The following TDRD1 variants were observed in gnomAD, a reference collection of about 807,000 sequenced individuals.
The protein encoded by TDRD1 is tudor domain containing 1.
A neutral mutation model predicts 140.6 loss-of-function variants in TDRD1; 37 were observed. The ratio of observed to expected loss-of-function variants is 0.26; its 90% CI spans 0.20 to 0.35. The LOEUF is 0.35. Ranked by LOEUF, TDRD1 falls within the 10% of genes least tolerant of loss-of-function variation. TDRD1 has a pLI of 1.00. For synonymous variants in TDRD1, 506 were observed against 475.7 expected, an observed-to-expected ratio of 1.06 and a Z score of -0.83; for missense variants, 1,243 against 1,393.0, an observed-to-expected ratio of 0.89 and a Z score of 1.71.
At chr10:114,212,366 G>A (rs1004826475) in intron 14 of TDRD1, among the ~76,000 whole-genome samples, 11 of 152,134 alleles carry the variant, frequency 7.2e-5, no homozygotes, top group Admixed American at 6.5e-5. Flanking sequence ...CCCACAGGTG[G>A]AACAGGTCAG....
upstream of TDRD1, among the ~76,000 whole-genome samples, chr10:114,178,698 C>T (rs770539771): frequency 9.2e-5 from 14 of 152,058 alleles, no homozygotes; most frequent in Non-Finnish European, 1.8e-4. Context: ...CAGAAGCAGA[C>T]GTTCGCTACT....
At chr10:114,228,015 T>TA (rs776690983) in intron 24 of TDRD1, 23 bp from the exon 25 acceptor site, 98 of 1,610,456 alleles carry the variant, frequency 6.1e-5, no homozygotes, top group Non-Finnish European at 3.8e-5. Flanking sequence ...AATTAAATCA[T>TA]ATGGTTTCTT....
chr10:114,200,304 T>C (rs2034643146), intron 4 of TDRD1, among the ~76,000 whole-genome samples: 1 of 152,236 alleles, frequency 6.6e-6, no homozygotes, highest in Admixed American at 6.5e-5. Context: ...GATATGTAAC[T>C]TTTTAAAAGT....
At chr10:114,213,543 C>G in exon 15 of TDRD1, 4 of 1,613,784 alleles carry the variant, frequency 2.5e-6, no homozygotes, top group Non-Finnish European at 3.4e-6. Context: ...TGTGGGAGAA[C>G]AGAGTATGGT....
exon 12 of TDRD1, chr10:114,210,748 C>G (rs200566711): frequency 4.0e-5 from 65 of 1,608,536 alleles, no homozygotes; most frequent in Non-Finnish European, 5.4e-5. Context: ...GCAAAGTGGC[C>G]GTAAGTCAGC....
At chr10:114,218,655 A>G (rs1589706478) in intron 18 of TDRD1, 71 bp downstream of exon 18, 2 of 1,049,666 alleles carry the variant, frequency 1.9e-6, no homozygotes, top group East Asian at 5.2e-5. Context: ...GTTAATATCT[A>G]CAATGTTAAC....
intron 10 of TDRD1, 81 bp downstream of exon 10, chr10:114,204,974 G>C: frequency 7.7e-7 from 1 of 1,299,068 alleles, no homozygotes; most frequent in Non-Finnish European, 1.0e-6. Flanking sequence ...GAAACATCAA[G>C]TGAGGCCAGG....
intron 11 of TDRD1, among the ~76,000 whole-genome samples, chr10:114,209,227 T>TA (rs1361540517): frequency 2.0e-5 from 3 of 152,014 alleles, no homozygotes; most frequent in East Asian, 3.8e-4. Flanking sequence ...CAAGACCTCT[T>TA]AAAAAAACAA....
intron 14 of TDRD1, among the ~76,000 whole-genome samples, chr10:114,212,984 A>G (rs2035584194): frequency 6.6e-6 from 1 of 152,078 alleles, no homozygotes; most frequent in South Asian, 2.1e-4. Flanking sequence ...CTGGCTCTGT[A>G]GATTTGTGTT....
intron 16 of TDRD1, 70 bp downstream of exon 16, chr10:114,214,184 T>A: frequency 7.4e-7 from 1 of 1,351,128 alleles, no homozygotes; most frequent in Non-Finnish European, 1.0e-6. Context: ...CACATGAGTT[T>A]GTTACTAAGT....
chr10:114,214,683 A>G (rs2035697551), intron 16 of TDRD1, among the ~76,000 whole-genome samples: 2 of 152,022 alleles, frequency 1.3e-5, no homozygotes, highest in Non-Finnish European at 2.9e-5. Context: ...AAACATTACC[A>G]GTATCCCAGA....
intron 2 of TDRD1, 55 bp from the exon 3 acceptor site, chr10:114,190,906 T>C (rs1032007652): frequency 9.7e-6 from 15 of 1,542,390 alleles, no homozygotes; most frequent in Non-Finnish European, 1.3e-5. Context: ...TTTTCATTAT[T>C]AGCAATAAAA....
chr10:114,230,601 G>A (rs934200770), intron 25 of TDRD1, among the ~76,000 whole-genome samples: 5 of 152,174 alleles, frequency 3.3e-5, no homozygotes, highest in African/African-American at 4.8e-5. Flanking sequence ...GAGCTGCTAC[G>A]TGTACAGTAT....
At chr10:114,190,810 A>C (rs1471931949) in intron 2 of TDRD1, 151 bp from the exon 3 acceptor site, 1 of 720,758 alleles carries the variant, frequency 1.4e-6, no homozygotes, top group Non-Finnish European at 2.3e-6. Context: ...TCTGTTGGGA[A>C]AAGTAGGATG....
chr10:114,182,662 T>C (rs2033171529), intron 1 of TDRD1, among the ~76,000 whole-genome samples: 1 of 151,840 alleles, frequency 6.6e-6, no homozygotes, highest in African/African-American at 2.4e-5. Flanking sequence ...CAATAGTGCA[T>C]TTAAAATAGT....
intron 18 of TDRD1, 48 bp downstream of exon 18, chr10:114,218,632 A>T: frequency 1.5e-6 from 2 of 1,337,178 alleles, no homozygotes; most frequent in Non-Finnish European, 2.1e-6. Flanking sequence ...TACTTGGGGC[A>T]TATAATCCAA....
exon 21 of TDRD1, chr10:114,222,616 G>C: frequency 6.2e-7 from 1 of 1,611,586 alleles, no homozygotes; most frequent in Non-Finnish European, 8.5e-7. Context: ...CATGTTGACA[G>C]CTGAATTATT....
Position 114,192,292 on chromosome 10 carries a change from C to CATTTTTTTT in TDRD1, c.384+1273_384+1274insATTTTTTTT, listed in dbSNP as rs2034027434. Among the ~76,000 whole-genome samples the CATTTTTTTT allele has an allele frequency of 2.7e-5, 2 of 75,112 alleles. 1 individual carries two copies. The highest frequency in any genetic ancestry group is 2.9e-4 in the Admixed American group (2 of 6,978). 49.3% of individuals were successfully genotyped at this position (75,112 alleles called of 152,430 possible). On this transcript the variant is annotated intron_variant, in intron 3 of 25. Coordinates refer to ENST00000251864, the Ensembl canonical transcript of TDRD1. ...TCCCCAAAAAAGTTTGATAGTTTTC[C>CATTTTTTTT]TTTTTTTTTTTTTTTTTTTTTTTTT...
intron 2 of TDRD1, among the ~76,000 whole-genome samples, chr10:114,188,877 A>G (rs1203588391): frequency 5.5e-5 from 2 of 36,584 alleles, no homozygotes; most frequent in East Asian, 3.2e-4. Context: ...AAACAAAATG[A>G]AAAAAAAAAA....
Sources: allele counts gnomAD v4.1 joint callset (sites outside exome capture counted in the v4.1 genomes callset), GRCh38; gene constraint gnomAD v4.1.1; transcripts MANE v1.5; gene names NCBI Gene and HGNC (gene_info 2026-07-23, HGNC 2026-07-21).